Variants in EPHB2 observed in about 807,000 individuals in gnomAD.
The protein encoded by EPHB2 is ephrin type-B receptor 2.
EPHB2 carries 18 observed loss-of-function variants against 96.4 expected under a neutral mutation model. That is an observed-to-expected ratio of 0.19 (90% CI 0.13 to 0.28). EPHB2 has a LOEUF of 0.28. Among genes scored for constraint, EPHB2 ranks in the 10% least tolerant of loss-of-function variants. The pLI is 1.00. For missense variants in EPHB2, 989 were observed against 1,355.4 expected (o/e 0.73, Z 4.25); for synonymous variants, 506 against 534.1 (o/e 0.95, Z 0.72).
intron 3 of EPHB2, among the ~76,000 whole-genome samples, chr1:22,840,497 A>G (rs149960332): frequency 8.1e-4 from 123 of 152,270 alleles, no homozygotes; most frequent in African/African-American, 2.2e-3. Flanking sequence ...GTCTTGCTCT[A>G]TCGCCCAGGC....
chr1:22,736,040 A>G (rs927817912), intron 1 of EPHB2, among the ~76,000 whole-genome samples: 1 of 152,204 alleles, frequency 6.6e-6, no homozygotes, highest in African/African-American at 2.4e-5. Context: ...TCAGTTCCCC[A>G]TTAGTAAAAT....
At chr1:22,711,843 C>T (rs571604094) in intron 1 of EPHB2, among the ~76,000 whole-genome samples, 1 of 152,196 alleles carries the variant, frequency 6.6e-6, no homozygotes, top group African/African-American at 2.4e-5. Context: ...GCCCTCTCCC[C>T]GTGGCCTCGT....
rs1054662304 is a variant in EPHB2, at chr1:22,867,822, A to T, written c.1303+2610A>T. Among the ~76,000 whole-genome samples the T allele has an allele frequency of 3.3e-5, 5 of 152,350 alleles. No homozygotes were observed. In the East Asian group the frequency reaches 7.7e-4, roughly 23 times the overall value. On this transcript the variant is annotated intron_variant, in intron 5 of 15. Transcript: ENST00000374630. ...GGGAGGCAGAGCTTGCAATGAGCTG[A>T]GATCGTGCCACTGCACTCCAGCCTG... is the stretch of plus-strand genomic sequence containing the variant.
Position 22,913,833 on chromosome 1 carries a change from C to G in EPHB2, c.*263C>G. On this transcript the variant is annotated 3_prime_UTR_variant, in exon 16 of 16. Coordinates refer to ENST00000374630, the MANE Select transcript of EPHB2 (RefSeq NM_017449.5). This position sits in a 1 kb window ranked among gnomAD's most constrained non-coding sequence, Gnocchi z 4.1. ...CAAGGAATATTTTTTAAAGAGGATT[C>G]TCATAAGGAAAGCAATGACTGTTCT... 1 of 1,610,318 alleles carries G rather than the reference C, an allele frequency of 6.2e-7. No individual in the cohort carries two copies. Among genetic ancestry groups the G allele is most frequent in the Non-Finnish European group, 8.5e-7 (1 of 1,178,552 alleles).
chr1:22,731,115 C>G (rs544007185), intron 1 of EPHB2, among the ~76,000 whole-genome samples: 4 of 152,148 alleles, frequency 2.6e-5, no homozygotes, highest in Non-Finnish European at 5.9e-5. Flanking sequence ...GCTCTGTTGG[C>G]ATTTTTGGCA....
chr1:22,831,480 G>A (rs1270462011), intron 3 of EPHB2, among the ~76,000 whole-genome samples: 2 of 152,028 alleles, frequency 1.3e-5, no homozygotes, highest in South Asian at 2.1e-4. Context: ...AGCCTTTTGC[G>A]TGAATCCTCT....
chr1:22,892,115 C>A (rs1193753856), intron 6 of EPHB2, among the ~76,000 whole-genome samples: 1 of 152,034 alleles, frequency 6.6e-6, no homozygotes, highest in Non-Finnish European at 1.5e-5. Flanking sequence ...AATCTCAAAG[C>A]AACCCTGAAC....
chr1:22,755,310 C>G (rs572195756), intron 1 of EPHB2, among the ~76,000 whole-genome samples: 2 of 152,240 alleles, frequency 1.3e-5, no homozygotes, highest in Admixed American at 1.3e-4. Context: ...GTCACTGCAC[C>G]GACCTGCTGT....
chr1:22,728,576 T>C (rs1200460996), intron 1 of EPHB2, among the ~76,000 whole-genome samples: 1 of 152,226 alleles, frequency 6.6e-6, no homozygotes, highest in Non-Finnish European at 1.5e-5. Flanking sequence ...GGATAGACCA[T>C]GTCTCTTACC....
In EPHB2 at chr1:22,895,523, C is replaced by T. The variant is rs760460779; in HGVS notation, c.1643C>T (p.Ser548Leu). Residue 548 changes from serine to leucine, a missense_variant, in exon 8 of 16, where the codon TCG becomes TTG. Physicochemically the swap from Ser to Leu is moderately radical, Grantham distance 145. Transcript: ENST00000374630. ...QEKLPLIIGS[S>L]AAGLVFLIAV... ...AAGTTGCCACTCATCATCGGCTCCT[C>T]GGCCGCTGGCCTGGTCTTCCTCATT... The T allele has an allele frequency of 3.8e-5, 61 of 1,614,138 alleles. No individual in the cohort carries two copies. The highest frequency in any genetic ancestry group is 6.7e-5 in the Admixed American group (4 of 60,018).
rs59996691 is a variant in EPHB2 at position 22,744,671 on chromosome 1, CAAAAAAAAAAAA to C, written c.61+33644_61+33655del. On this transcript the variant is annotated intron_variant, in intron 1 of 15. Coordinates refer to ENST00000374630, the MANE Select transcript of EPHB2 (RefSeq NM_017449.5). ...TGGGCGACAGAGTGAGACATTGTCTCAAAAAAAAAAAAAAAAAAAAAAAAAAAGGAAAGCATA... is the reference window on the plus strand; with the variant it reads ...TGGGCGACAGAGTGAGACATTGTCTCAAAAAAAAAAAAAAAGGAAAGCATA... Among the ~76,000 whole-genome samples the C allele has an allele frequency of 1.0e-4, 6 of 57,922 alleles. No individual in the cohort carries two copies. In the Admixed American group the frequency reaches 1.0e-3, roughly 10 times the overall value. 38.0% of individuals were successfully genotyped at this position (57,922 alleles called of 152,430 possible).
rs1640242781 is a variant in EPHB2, at chr1:22,915,508, A to T, written c.*1938A>T. On this transcript the variant is annotated 3_prime_UTR_variant, in exon 16 of 16. Coordinates refer to ENST00000374630, the MANE Select transcript of EPHB2 (RefSeq NM_017449.5). ...GTGGCCTTTCTGGCCCTGGCTTGTC[A>T]AAAGCACAGGCAACAAAGGAAGTGA... 1 of 152,178 alleles carries T rather than the reference A, an allele frequency of 6.6e-6. No homozygotes were observed. The highest frequency in any genetic ancestry group is 1.9e-4 in the East Asian group (1 of 5,170). 9.4% of individuals were successfully genotyped at this position (152,178 alleles called of 1,614,324 possible). A position where few individuals can be genotyped will look rare whatever the true frequency, so the allele number is the denominator to read the frequency against.
intron 3 of EPHB2, among the ~76,000 whole-genome samples, chr1:22,813,215 G>A (rs1222355978): frequency 6.6e-6 from 1 of 152,192 alleles, no homozygotes; most frequent in Non-Finnish European, 1.5e-5. Context: ...AGCTCAGAGA[G>A]GTTCAGTAAC....
intron 13 of EPHB2, among the ~76,000 whole-genome samples, chr1:22,909,785 G>C (rs1029044569): frequency 7.9e-5 from 12 of 152,160 alleles, no homozygotes; most frequent in Non-Finnish European, 1.8e-4. Context: ...TCTTACACAG[G>C]GAGGGTGACC....
At chr1:22,888,053 T>G (rs926078732) in intron 6 of EPHB2, among the ~76,000 whole-genome samples, 19 of 152,238 alleles carry the variant, frequency 1.2e-4, no homozygotes, top group East Asian at 7.7e-4. Context: ...GGGGTTTTTT[T>G]TGTGTGTGTG....
At chr1:22,863,653 G>A (rs533139161) in intron 4 of EPHB2, among the ~76,000 whole-genome samples, 4 of 152,324 alleles carry the variant, frequency 2.6e-5, no homozygotes, top group East Asian at 1.9e-4. Context: ...ACAGAGCTGA[G>A]CCCTATGGCT....
At chr1:22,816,414 C>G (rs1434628812) in intron 3 of EPHB2, among the ~76,000 whole-genome samples, 1 of 152,196 alleles carries the variant, frequency 6.6e-6, no homozygotes, top group African/African-American at 2.4e-5. Flanking sequence ...CTTCTTCATA[C>G]CGCATTGCCT....
At chr1:22,780,782 G>A (rs1175902411) in intron 1 of EPHB2, among the ~76,000 whole-genome samples, 1 of 152,212 alleles carries the variant, frequency 6.6e-6, no homozygotes, top group Non-Finnish European at 1.5e-5. Flanking sequence ...GGGAAGGACA[G>A]TACCTAGGTT....
chr1:22,909,816 T>G (rs1370982705), intron 13 of EPHB2, among the ~76,000 whole-genome samples: 1 of 152,032 alleles, frequency 6.6e-6, no homozygotes, highest in Non-Finnish European at 1.5e-5. Flanking sequence ...CTGTGGAAGG[T>G]GAATCTGGCC....
Sources: gnomAD v4.1 joint callset for allele counts (sites outside exome capture counted in the v4.1 genomes callset) on GRCh38, gnomAD v4.1.1 for gene constraint, Gnocchi (gnomAD v3.1) non-coding constraint, MANE v1.5 for transcripts, NCBI Gene and HGNC (gene_info 2026-07-23, HGNC 2026-07-21) for gene names.